HECW1: variants seen among roughly 807,000 people sequenced by gnomAD.
The protein encoded by HECW1 is HECT, C2 and WW domain containing E3 ubiquitin protein ligase 1.
HECW1 carries 61 observed loss-of-function variants against 182.3 expected under a neutral mutation model. The ratio of observed to expected loss-of-function variants is 0.33; its 90% CI spans 0.27 to 0.41. The LOEUF (loss-of-function observed/expected upper bound fraction) is 0.41. Among genes scored for constraint, HECW1 ranks in the 10% least tolerant of loss-of-function variants. The pLI is 1.00. For synonymous variants in HECW1, 859 were observed against 832.6 expected, an observed-to-expected ratio of 1.03 and a Z score of -0.55; for missense variants, 1,739 against 2,108.9, an observed-to-expected ratio of 0.82 and a Z score of 3.44.
chr7:43,459,757 C>T (rs542096389), intron 13 of HECW1, among the ~76,000 whole-genome samples: 3 of 152,254 alleles, frequency 2.0e-5, no homozygotes, highest in African/African-American at 7.2e-5. Flanking sequence ...AGGCTTGTCT[C>T]GAACCCCTGG....
intron 5 of HECW1, among the ~76,000 whole-genome samples, chr7:43,329,361 A>T (rs1811174966): frequency 6.6e-6 from 1 of 152,102 alleles, no homozygotes; most frequent in Admixed American, 6.5e-5. Context: ...GCATTCTAGA[A>T]ACTGCATTCT....
chr7:43,293,152 G>A (rs534132655), intron 3 of HECW1, among the ~76,000 whole-genome samples: 1 of 148,726 alleles, frequency 6.7e-6, no homozygotes, highest in South Asian at 2.1e-4. Context: ...CCCGGGAGGC[G>A]GAGGTTGCAG....
chr7:43,396,710 C>T (rs763762233), intron 6 of HECW1, 104 bp from the exon 7 acceptor site: 10 of 751,514 alleles, frequency 1.3e-5, no homozygotes, highest in Non-Finnish European at 2.1e-5. Context: ...GTCTTCGTTG[C>T]CTGTAGCTGG....
chr7:43,556,981 C>T (rs2082048465), intron 29 of HECW1, among the ~76,000 whole-genome samples: 1 of 152,046 alleles, frequency 6.6e-6, no homozygotes, highest in South Asian at 2.1e-4. Flanking sequence ...GTAGGGACCT[C>T]TTCTTGGGAC....
chr7:43,562,993 A>AT lies in HECW1; in HGVS notation c.*1076dup, dbSNP rs140721439. On this transcript the variant is annotated 3_prime_UTR_variant, in exon 30 of 30. Transcript: ENST00000395891. ...CAAACCCTTTTTTTAAAACTTTGAT[A>AT]TTTTTTTTTCACATTTTTTTTTCCT... is the stretch of plus-strand genomic sequence containing the variant. 31,560 of 201,262 alleles carry AT rather than the reference A, an allele frequency of 0.16. 3,122 individuals are homozygous for AT. The highest frequency in any genetic ancestry group is 0.22 in the Non-Finnish European group (21,916 of 97,672). 12.5% of individuals were successfully genotyped at this position (201,262 alleles called of 1,614,324 possible).
At chr7:43,427,803 A>G (rs1000525327) in intron 8 of HECW1, among the ~76,000 whole-genome samples, 2 of 152,188 alleles carry the variant, frequency 1.3e-5, no homozygotes, top group Non-Finnish European at 2.9e-5. Context: ...AGAGCAGTCC[A>G]TGACACCTGA....
intron 3 of HECW1, among the ~76,000 whole-genome samples, chr7:43,262,891 AC>A (rs1801335108): frequency 1.3e-5 from 2 of 152,126 alleles, no homozygotes; most frequent in African/African-American, 2.4e-5. Flanking sequence ...CTTACATGAC[AC>A]ATATATGGCT....
intron 5 of HECW1, among the ~76,000 whole-genome samples, chr7:43,324,069 T>A (rs981953958): frequency 1.3e-5 from 2 of 152,128 alleles, no homozygotes; most frequent in Admixed American, 6.6e-5. Flanking sequence ...GAAGGCATAT[T>A]CCAAATAACT....
chr7:43,283,923 C>T (rs909993488), intron 3 of HECW1, among the ~76,000 whole-genome samples: 2 of 152,166 alleles, frequency 1.3e-5, no homozygotes, highest in East Asian at 1.9e-4. Flanking sequence ...CCCCCAGCTG[C>T]GGCTGCCTTG....
At chr7:43,179,167 A>G (rs1211356513) in intron 2 of HECW1, among the ~76,000 whole-genome samples, 2 of 152,270 alleles carry the variant, frequency 1.3e-5, no homozygotes, top group Non-Finnish European at 2.9e-5. Context: ...TGCTTTCCGC[A>G]GAAAATAATA....
chr7:43,350,206 C>T (rs1814246045), intron 5 of HECW1, among the ~76,000 whole-genome samples: 1 of 152,206 alleles, frequency 6.6e-6, no homozygotes, highest in Non-Finnish European at 1.5e-5. Context: ...TCCCTTCTAG[C>T]TTGTAGGGTT....
chr7:43,558,925 G>T (rs2082119837), intron 29 of HECW1, among the ~76,000 whole-genome samples: 1 of 152,198 alleles, frequency 6.6e-6, no homozygotes, highest in African/African-American at 2.4e-5. Flanking sequence ...TAGAAGGAAA[G>T]AGAGCAAGGC....
chr7:43,305,578 A>G (rs575327068), intron 3 of HECW1, among the ~76,000 whole-genome samples: 215 of 147,384 alleles, frequency 1.5e-3, no homozygotes, highest in African/African-American at 5.6e-3. Context: ...GTGAAACTGG[A>G]TAGTGTTTTG....
intron 2 of HECW1, among the ~76,000 whole-genome samples, chr7:43,141,676 T>G (rs1788170648): frequency 6.6e-6 from 1 of 150,654 alleles, no homozygotes. Context: ...TGTTGTATTT[T>G]TAGTAGAGAC....
intron 8 of HECW1, among the ~76,000 whole-genome samples, chr7:43,421,350 CAAGT>C (rs975028013): frequency 6.6e-6 from 1 of 151,914 alleles, no homozygotes; most frequent in African/African-American, 2.4e-5. Context: ...CATAAGAAAA[CAAGT>C]AAGAATACTT....
At chr7:43,162,390 T>C (rs1790638739) in intron 2 of HECW1, among the ~76,000 whole-genome samples, 1 of 152,202 alleles carries the variant, frequency 6.6e-6, no homozygotes, top group African/African-American at 2.4e-5. Flanking sequence ...TTCTGGGGGC[T>C]CCAGTTGTTT....
In HECW1 at chr7:43,541,884, T is replaced by C; in HGVS notation, c.4134T>C (p.Ser1378=). The part of the protein sequence containing the change: ...KALLRLPCDL[S]DLEYLDEEFH... ...ATTCACCCAGGCCCTGTGATTTGAGTGACCTGGAATATTTGGATGAGGAAT... is the reference window on the plus strand; with the variant it reads ...ATTCACCCAGGCCCTGTGATTTGAGCGACCTGGAATATTTGGATGAGGAAT... Residue 1378 remains serine, a synonymous_variant, in exon 26 of 30, where the codon AGT becomes AGC. Coordinates refer to ENST00000395891, the MANE Select transcript of HECW1 (RefSeq NM_015052.5). 1 of 1,523,426 alleles carries C rather than the reference T, an allele frequency of 6.6e-7. No homozygotes were observed. The allele number at this position is 1,523,426 out of a possible 1,614,324, so 94.4% of individuals were successfully genotyped here. A position where few individuals can be genotyped will look rare whatever the true frequency, so the allele number is the denominator to read the frequency against.
intron 1 of HECW1, among the ~76,000 whole-genome samples, chr7:43,113,367 T>C (rs1784785726): frequency 6.7e-6 from 1 of 150,032 alleles, no homozygotes; most frequent in African/African-American, 2.4e-5. Context: ...GCGCTTCGCC[T>C]TGGGCTCGCT....
At chr7:43,472,348 C>A (rs558134243) in intron 16 of HECW1, among the ~76,000 whole-genome samples, 1 of 152,348 alleles carries the variant, frequency 6.6e-6, no homozygotes, top group African/African-American at 2.4e-5. Context: ...TGTGCTCCCC[C>A]ATGTCACTTA....
Sources: allele counts gnomAD v4.1 joint callset (sites outside exome capture counted in the v4.1 genomes callset), GRCh38; gene constraint gnomAD v4.1.1; transcripts MANE v1.5; gene names NCBI Gene and HGNC (gene_info 2026-07-23, HGNC 2026-07-21).